THUMPD3: variants seen among roughly 807,000 people sequenced by gnomAD.
THUMPD3 encodes the protein tRNA (guanine(6)-N(2))-methyltransferase THUMP3.
THUMPD3 carries 44 observed loss-of-function variants against 54.5 expected under a neutral mutation model. That is an observed-to-expected ratio of 0.81 (90% CI 0.63 to 1.04). The LOEUF (loss-of-function observed/expected upper bound fraction) is 1.04. THUMPD3 is among the 50% of genes least tolerant of loss of function. The pLI is 0.00. For missense variants in THUMPD3, 604 were observed against 601.3 expected (o/e 1.00, Z -0.05); for synonymous variants, 196 against 201.4 (o/e 0.97, Z 0.23).
intron 8 of THUMPD3, 65 bp downstream of exon 8, chr3:9,383,374 G>A (rs2033069848): frequency 4.6e-6 from 6 of 1,306,472 alleles, no homozygotes; most frequent in Middle Eastern, 1.9e-4. Context: ...TTTATTCTAA[G>A]TCAGGAAAAA....
At chr3:9,382,160 C>T (rs374734419) in intron 7 of THUMPD3, among the ~76,000 whole-genome samples, 3 of 151,804 alleles carry the variant, frequency 2.0e-5, no homozygotes, top group East Asian at 1.9e-4. Flanking sequence ...TATTGGTATG[C>T]GGTTATAATA....
rs1437899283 is a variant in THUMPD3 at position 9,380,724 on chromosome 3, A to G, written c.1124+106A>G. On this transcript the variant is annotated intron_variant, in intron 7 of 9. Transcript: ENST00000452837. ...AGTGCATTGTGACGTCATTGTAACC[A>G]AAATGAATATACTATGAGACTCCAT... 6.1e-6 allele frequency: 4 copies of G among 657,488 alleles called. No individual in the cohort carries two copies. The Admixed American group carries it at 1.1e-4, about 18-fold the overall frequency. The allele number at this position is 657,488 out of a possible 1,614,324, so 40.7% of individuals were successfully genotyped here.
chr3:9,370,648 G>C (rs569332341), intron 3 of THUMPD3, among the ~76,000 whole-genome samples: 1 of 152,096 alleles, frequency 6.6e-6, no homozygotes, highest in Non-Finnish European at 1.5e-5. Flanking sequence ...GTTTTGCCAT[G>C]TTGCCCAGTC....
At chr3:9,364,895 C>T in intron 1 of THUMPD3, 121 bp from the exon 2 acceptor site, 1 of 746,788 alleles carries the variant, frequency 1.3e-6, no homozygotes, top group East Asian at 2.7e-5. Flanking sequence ...ACCCTTTTTA[C>T]TTTGGTGACT....
intron 4 of THUMPD3, among the ~76,000 whole-genome samples, chr3:9,373,785 C>G (rs532118471): frequency 6.6e-6 from 1 of 152,274 alleles, no homozygotes; most frequent in African/African-American, 2.4e-5. Context: ...GCAATCATGG[C>G]TCACTAAAGC....
In THUMPD3 at chr3:9,386,370, T is replaced by TC. The variant is rs1241791579; in HGVS notation, c.*1686dup. On this transcript the variant is annotated 3_prime_UTR_variant, in exon 10 of 10. Coordinates refer to ENST00000452837, the MANE Select transcript of THUMPD3 (RefSeq NM_001114092.2). ...ATGTCTGTTTTCACCACGATGTCTT[T>TC]CCCCACCCCCCCACCCCCCACTCCA... 7.1e-5 allele frequency: 9 copies of TC among 126,024 alleles called. No individual in the cohort carries two copies. The highest frequency in any genetic ancestry group is 1.7e-4 in the Admixed American group (2 of 11,938). The allele number at this position is 126,024 out of a possible 1,614,324, so 7.8% of individuals were successfully genotyped here.
chr3:9,384,595 T>C lies in THUMPD3; in HGVS notation c.1431T>C (p.Ala477=), dbSNP rs781676651. The part of the protein sequence containing the change: ...TVWVNVGGLR[A]AVYVLIRTPQ... The stretch of plus-strand genomic sequence containing the variant: ...GGGTGAACGTTGGTGGTCTTCGTGC[T>C]GCAGTTTACGTTCTGATACGTACAC... The change falls in exon 10 of 10, where the codon GCT becomes GCC. Residue 477 remains alanine (A), a synonymous_variant. Transcript: ENST00000452837. 4 of 1,614,138 alleles carry C rather than the reference T, an allele frequency of 2.5e-6. No individual in the cohort carries two copies. The highest frequency in any genetic ancestry group is 3.4e-6 in the Non-Finnish European group (4 of 1,180,054).
intron 5 of THUMPD3, among the ~76,000 whole-genome samples, chr3:9,376,478 T>G (rs1210020077): frequency 6.6e-6 from 1 of 152,120 alleles, no homozygotes; most frequent in Non-Finnish European, 1.5e-5. Flanking sequence ...ATTGTTTTGG[T>G]CAGATATTCA....
intron 5 of THUMPD3, 71 bp downstream of exon 5, chr3:9,374,717 T>G: frequency 1.3e-6 from 2 of 1,549,586 alleles, no homozygotes; most frequent in South Asian, 2.3e-5. Flanking sequence ...AAATACTGAT[T>G]TGTGTGTATG....
chr3:9,375,787 T>C (rs1175727822), intron 5 of THUMPD3, among the ~76,000 whole-genome samples: 1 of 152,238 alleles, frequency 6.6e-6, no homozygotes, highest in African/African-American at 2.4e-5. Flanking sequence ...GCTCCTAGGC[T>C]ACAAACCTGT....
Position 9,383,291 on chromosome 3 carries a change from A to G in THUMPD3, c.1217A>G (p.Asp406Gly). The G allele has an allele frequency of 6.2e-7, 1 of 1,613,274 alleles. No homozygotes were observed. The highest frequency in any genetic ancestry group is 8.5e-7 in the Non-Finnish European group (1 of 1,179,258). ...RTGSVDIIVT[D>G]LPFGKRMGSK... ...GGCTCTGTGGATATTATTGTAACAG[A>G]TTTGCCATTTGGAAAAAGGTGAGAA... The change falls in exon 8 of 10, where the codon GAT (aspartate) becomes GGT (glycine). Residue 406 changes from aspartate (D) to glycine (G), a missense_variant. Physicochemically the swap from Asp to Gly is moderately conservative, Grantham distance 94 (BLOSUM62 -1). Transcript: ENST00000452837.
In THUMPD3 at chr3:9,385,650, G is replaced by C. The variant is rs185803021; in HGVS notation, c.*962G>C. On this transcript the variant is annotated 3_prime_UTR_variant, in exon 10 of 10. Coordinates refer to ENST00000452837, the MANE Select transcript of THUMPD3 (RefSeq NM_001114092.2). ...TTTGTAAATAGCACATACATTGATAGATGGGGTGTGGGACCAACAAACCAA... is the reference window on the plus strand; with the variant it reads ...TTTGTAAATAGCACATACATTGATACATGGGGTGTGGGACCAACAAACCAA... 1 of 152,356 alleles carries C rather than the reference G, an allele frequency of 6.6e-6. No homozygotes were observed. Among genetic ancestry groups the C allele is most frequent in the East Asian group, 1.9e-4 (1 of 5,184 alleles). 9.4% of individuals were successfully genotyped at this position (152,356 alleles called of 1,614,324 possible).
At chr3:9,373,864 C>T (rs1464277181) in intron 4 of THUMPD3, among the ~76,000 whole-genome samples, 1 of 152,170 alleles carries the variant, frequency 6.6e-6, no homozygotes, top group Non-Finnish European at 1.5e-5. Context: ...TGGGCCTGTG[C>T]CACTGCACTC....
At position 9,384,366 on chromosome 3, in the gene THUMPD3, C is replaced by G; in HGVS notation, c.1359+31C>G. On this transcript the variant is annotated intron_variant, in intron 9 of 9. Coordinates refer to ENST00000452837, the MANE Select transcript of THUMPD3 (RefSeq NM_001114092.2). The stretch of plus-strand genomic sequence containing the variant: ...ATACACATTAGCTCAAAATCGCAGC[C>G]TGTGGCAACTTTGGGATCTTTTTGA... 7 of 1,599,496 alleles carry G rather than the reference C, an allele frequency of 4.4e-6. No individual in the cohort carries two copies. In the South Asian group the frequency reaches 7.9e-5, roughly 18 times the overall value.
Position 9,386,389 on chromosome 3 carries a change from C to T in THUMPD3, c.*1701C>T, listed in dbSNP as rs1475976755. 1 of 145,054 alleles carries T rather than the reference C, an allele frequency of 6.9e-6. No individual in the cohort carries two copies. Among genetic ancestry groups the T allele is most frequent in the Non-Finnish European group, 1.5e-5 (1 of 65,754 alleles). The allele number at this position is 145,054 out of a possible 1,614,324, so 9.0% of individuals were successfully genotyped here. The stretch of plus-strand genomic sequence containing the variant: ...TGTCTTTCCCCACCCCCCCACCCCC[C>T]ACTCCACCCCCCACTAAGGGCAGGG... On this transcript the variant is annotated 3_prime_UTR_variant, in exon 10 of 10. Transcript: ENST00000452837.
chr3:9,365,359 G>T, intron 2 of THUMPD3, 39 bp downstream of exon 2: 1 of 1,603,504 alleles, frequency 6.2e-7, no homozygotes, highest in South Asian at 1.1e-5. Context: ...TTTCTAAGTT[G>T]ATCATTTTAT....
chr3:9,378,091 C>T (rs2032617046), intron 6 of THUMPD3, among the ~76,000 whole-genome samples: 1 of 152,172 alleles, frequency 6.6e-6, no homozygotes, highest in Non-Finnish European at 1.5e-5. Context: ...GGCCTAGATA[C>T]ATTGTTAGTG....
chr3:9,384,105 AC>A, intron 8 of THUMPD3, 106 bp from the exon 9 acceptor site: 1 of 1,237,740 alleles, frequency 8.1e-7, no homozygotes, highest in Non-Finnish European at 1.1e-6. Context: ...TTCTAAAACT[AC>A]AGCTATTTTT....
chr3:9,383,121 C>T, intron 7 of THUMPD3, 78 bp from the exon 8 acceptor site: 1 of 913,554 alleles, frequency 1.1e-6, no homozygotes, highest in East Asian at 2.4e-5. Context: ...CTGTAGCAGT[C>T]TCTCTTCAGA....
Sources: gnomAD v4.1 joint callset for allele counts (sites outside exome capture counted in the v4.1 genomes callset) on GRCh38, gnomAD v4.1.1 for gene constraint, MANE v1.5 for transcripts, NCBI Gene and HGNC (gene_info 2026-07-23, HGNC 2026-07-21) for gene names.